USP26: variants seen among roughly 807,000 people sequenced by gnomAD.
USP26 encodes ubiquitin carboxyl-terminal hydrolase 26.
For missense variants in USP26, 649 were observed against 642.3 expected, an observed-to-expected ratio of 1.01 and a Z score of -0.11; for synonymous variants, 236 against 240.6, an observed-to-expected ratio of 0.98 and a Z score of 0.18.
chrX:133,088,823 G>T (rs1602992222), intron 4 of USP26, among the ~76,000 whole-genome samples: 1 of 112,041 alleles, frequency 8.9e-6, no homozygotes, highest in African/African-American at 3.2e-5. Flanking sequence ...AAAGGAGAAG[G>T]TGTCACAGTT....
chrX:133,094,128 G>A (rs1030315746), intron 1 of USP26, among the ~76,000 whole-genome samples: 5 of 111,422 alleles, frequency 4.5e-5, no homozygotes, highest in South Asian at 7.5e-4. Flanking sequence ...TTTTGAGAGA[G>A]ACTAAAGTTT....
intron 5 of USP26, among the ~76,000 whole-genome samples, chrX:133,081,333 T>C (rs1261613693): frequency 3.3e-5 from 1 of 30,578 alleles, no homozygotes; most frequent in African/African-American, 3.1e-4. Context: ...AGTCTTTCTG[T>C]CACTCCAGGC....
intron 5 of USP26, among the ~76,000 whole-genome samples, chrX:133,060,792 T>C (rs939168550): frequency 9.0e-6 from 1 of 111,491 alleles, no homozygotes; most frequent in Non-Finnish European, 1.9e-5. Context: ...TAAAGCTAAA[T>C]AGTTGGTCCT....
intron 5 of USP26, among the ~76,000 whole-genome samples, chrX:133,078,702 T>C (rs1569510942): frequency 8.9e-6 from 1 of 112,499 alleles, no homozygotes; most frequent in Admixed American, 9.5e-5. Context: ...TTCTGTATGC[T>C]GACAACTAAA....
intron 1 of USP26, among the ~76,000 whole-genome samples, chrX:133,095,683 C>A (rs905633603): frequency 8.9e-6 from 1 of 111,892 alleles, no homozygotes; most frequent in Non-Finnish European, 1.9e-5. Flanking sequence ...TCACTTCAGC[C>A]TCGTCCTCCT....
At chrX:133,070,704 C>T (rs1298069782) in intron 5 of USP26, among the ~76,000 whole-genome samples, 2 of 111,766 alleles carry the variant, frequency 1.8e-5, no homozygotes, top group East Asian at 5.6e-4. Flanking sequence ...TTTCTCTTCT[C>T]AGAAAATTGT....
At chrX:133,043,003 A>G (rs1415846396) in intron 5 of USP26, among the ~76,000 whole-genome samples, 5 of 111,925 alleles carry the variant, frequency 4.5e-5, no homozygotes, top group Non-Finnish European at 9.4e-5. Flanking sequence ...GAATCCAGGA[A>G]AGGTACGAAG....
Position 133,027,021 on chromosome X carries a change from T to A in USP26, c.1200A>T (p.Lys400Asn). 1.7e-6 allele frequency: 2 copies of A among 1,211,287 alleles called. No homozygotes were observed. Among genetic ancestry groups the A allele is most frequent in the South Asian group, 3.5e-5 (2 of 56,975 alleles). The stretch of plus-strand genomic sequence containing the variant: ...TTTTAGGCTTCCAAATTGTGTTGAG[T>A]TTTTCCATGTTATCTTTCAGTTGAT... Reference protein sequence around the residue: ...CLDQLKDNMEKLNTIWKPKSE... With the variant: ...CLDQLKDNMENLNTIWKPKSE... Residue 400 changes from lysine (K) to asparagine (N), a missense_variant, in exon 6 of 6, where the codon AAA becomes AAT. By Grantham distance (94) the Lys-to-Asn change is moderately conservative. Transcript: ENST00000511190.
At position 133,025,900 on chromosome X, in the gene USP26, C is replaced by T. The variant is rs1400696233; in HGVS notation, c.2321G>A (p.Arg774Lys). The T allele has an allele frequency of 8.3e-7, 1 of 1,211,029 alleles. No homozygotes were observed. Among genetic ancestry groups the T allele is most frequent in the Admixed American group, 2.2e-5 (1 of 45,876 alleles). The change falls in exon 6 of 6, where the codon AGA (arginine) becomes AAA (lysine). Residue 774 changes from arginine to lysine, a missense_variant. By Grantham distance (26) the Arg-to-Lys change is conservative. Transcript: ENST00000511190. ...GTQGHTKNLL[R>K]PTKLNLQKSN... ...CTTCTGTAGATTTAATTTTGTAGGT[C>T]TTAGGAGGTTCTTTGTGTGCCCCTG...
chrX:133,032,363 G>A, intron 5 of USP26, among the ~76,000 whole-genome samples: 1 of 111,735 alleles, frequency 8.9e-6, no homozygotes, highest in Non-Finnish European at 1.9e-5. Context: ...GGTGCCCCAG[G>A]CAGGAGGAAG....
chrX:133,096,073 TTTTTTG>T (rs2067629508), intron 1 of USP26, among the ~76,000 whole-genome samples: 1 of 86,332 alleles, frequency 1.2e-5, no homozygotes, highest in African/African-American at 4.4e-5. Flanking sequence ...TTTTTTTTTT[TTTTTTG>T]TAGAAATGAG....
At chrX:133,085,657 G>A (rs920948384) in intron 4 of USP26, among the ~76,000 whole-genome samples, 10 of 111,902 alleles carry the variant, frequency 8.9e-5, no homozygotes, top group African/African-American at 3.2e-4. Flanking sequence ...TAGATTCAAC[G>A]AAAACTAGAA....
chrX:133,029,439 A>G (rs886315122), intron 5 of USP26, among the ~76,000 whole-genome samples: 3 of 112,421 alleles, frequency 2.7e-5, no homozygotes, highest in African/African-American at 9.7e-5. Context: ...CATATACGAA[A>G]GTGCATATGC....
At chrX:133,053,951 G>A (rs992142130) in intron 5 of USP26, among the ~76,000 whole-genome samples, 1 of 111,742 alleles carries the variant, frequency 8.9e-6, no homozygotes, top group African/African-American at 3.3e-5. Flanking sequence ...TGAAAGGCTG[G>A]GAGGGCACAT....
Position 133,026,948 on chromosome X carries a change from G to A in USP26, c.1273C>T (p.Pro425Ser). ...NFPKQVFADD[P>S]DTSGFSCPVI... ...GGGCAAGAAAACCCACTGGTGTCAGGATCATCAGCAAAAACCTGTTTAGGA... is the reference window on the plus strand; with the variant it reads ...GGGCAAGAAAACCCACTGGTGTCAGAATCATCAGCAAAAACCTGTTTAGGA... The change falls in exon 6 of 6, where the codon CCT (proline) becomes TCT (serine). Residue 425 changes from proline to serine, a missense_variant. Physicochemically the swap from Pro to Ser is moderately conservative, Grantham distance 74 (BLOSUM62 -1). Coordinates refer to ENST00000511190, the MANE Select transcript of USP26 (RefSeq NM_031907.3). 2 of 1,211,074 alleles carry A rather than the reference G, an allele frequency of 1.7e-6. No homozygotes were observed. The highest frequency in any genetic ancestry group is 4.4e-5 in the Admixed American group (2 of 45,935).
At chrX:133,044,803 C>T (rs1438655100) in intron 5 of USP26, among the ~76,000 whole-genome samples, 1 of 113,379 alleles carries the variant, frequency 8.8e-6, no homozygotes, top group East Asian at 2.8e-4. Context: ...CCACCTGCAG[C>T]CCCAGTGTGG....
chrX:133,060,751 G>C (rs1048101636), intron 5 of USP26, among the ~76,000 whole-genome samples: 14 of 111,699 alleles, frequency 1.3e-4, no homozygotes, highest in Non-Finnish European at 3.8e-5. Flanking sequence ...AATATTATCA[G>C]AATAGTTTAA....
chrX:133,037,471 G>A (rs2067400007), intron 5 of USP26, among the ~76,000 whole-genome samples: 1 of 111,976 alleles, frequency 8.9e-6, no homozygotes, highest in South Asian at 3.7e-4. Context: ...GTTTGGTGAA[G>A]ATCAGATGGT....
chrX:133,086,617 GTAA>G (rs1186096862), intron 4 of USP26, among the ~76,000 whole-genome samples: 1 of 110,346 alleles, frequency 9.1e-6, no homozygotes, highest in East Asian at 2.9e-4. Context: ...CTCTTAAAAA[GTAA>G]TAATAATAAG....
Sources: gnomAD v4.1 joint callset for allele counts (sites outside exome capture counted in the v4.1 genomes callset) on GRCh38, gnomAD v4.1.1 for gene constraint, MANE v1.5 for transcripts, NCBI Gene and HGNC (gene_info 2026-07-23, HGNC 2026-07-21) for gene names.